The following GSK3B variants were observed in gnomAD, a reference collection of about 807,000 sequenced individuals.
GSK3B encodes glycogen synthase kinase 3 beta, also known as glycogen synthase kinase-3 beta.
A neutral mutation model predicts 56.4 loss-of-function variants in GSK3B; 15 were observed. The observed-to-expected ratio is 0.27, with a 90% CI of 0.18 to 0.41. The LOEUF (loss-of-function observed/expected upper bound fraction) is 0.41. Ranked by LOEUF, GSK3B falls within the 10% of genes least tolerant of loss-of-function variation. The pLI, the probability that GSK3B is intolerant of heterozygous loss-of-function variation, is 1.00. For synonymous variants in GSK3B, 181 were observed against 188.9 expected (o/e 0.96, Z 0.34); for missense variants, 300 against 513.4 (o/e 0.58, Z 4.02).
intron 7 of GSK3B, among the ~76,000 whole-genome samples, chr3:119,877,083 T>C (rs1391739513): frequency 1.3e-5 from 2 of 152,178 alleles, no homozygotes; most frequent in Non-Finnish European, 2.9e-5. Context: ...CCATGCTGTA[T>C]TACCATAGAC....
At chr3:119,963,579 C>T (rs868231102) in intron 2 of GSK3B, among the ~76,000 whole-genome samples, 19 of 136,272 alleles carry the variant, frequency 1.4e-4, no homozygotes, top group Admixed American at 8.9e-4. Context: ...AATTATGCCA[C>T]GGCACTCCAG....
rs2058531448 is a variant in GSK3B at position 120,093,431 on chromosome 3, A to T, written c.4T>A (p.Ser2Thr). 1 of 1,606,516 alleles carries T rather than the reference A, an allele frequency of 6.2e-7. No homozygotes were observed. Among genetic ancestry groups the T allele is most frequent in the Admixed American group, 1.7e-5 (1 of 59,988 alleles). M[S>T]GRPRTTSFAE... is the part of the protein sequence containing the mutation. ...AAGGAGGTGGTTCTGGGCCGCCCTG[A>T]CATGATCACTCTCTTCGCGAATCAC... Residue 2 changes from serine to threonine, a missense_variant, in exon 1 of 11, where the codon TCA (serine) becomes ACA (threonine). Ser to Thr is a moderately conservative substitution (Grantham distance 58, BLOSUM62 1). Coordinates refer to ENST00000264235, the MANE Select transcript of GSK3B (RefSeq NM_001146156.2).
At chr3:119,992,245 A>G (rs1226389633) in intron 2 of GSK3B, among the ~76,000 whole-genome samples, 2 of 152,138 alleles carry the variant, frequency 1.3e-5, no homozygotes, top group Non-Finnish European at 2.9e-5. Context: ...TCAAAACGGT[A>G]TAGTAGTGAC....
intron 1 of GSK3B, among the ~76,000 whole-genome samples, chr3:120,023,975 T>C (rs1252606649): frequency 6.6e-6 from 1 of 152,166 alleles, no homozygotes; most frequent in Non-Finnish European, 1.5e-5. Context: ...ACTTTTCAGG[T>C]AGGGTAAATG....
chr3:119,900,709 T>C (rs141355618), intron 7 of GSK3B, among the ~76,000 whole-genome samples: 65 of 152,300 alleles, frequency 4.3e-4, no homozygotes, highest in South Asian at 8.3e-4. Context: ...TTTACCTTAA[T>C]GCTGTTATTT....
intron 1 of GSK3B, among the ~76,000 whole-genome samples, chr3:120,038,936 C>T (rs2107529481): frequency 6.6e-6 from 1 of 151,750 alleles, no homozygotes; most frequent in South Asian, 2.1e-4. Context: ...AAAATATTTG[C>T]AATACACATA....
chr3:119,991,335 A>G (rs978816347), intron 2 of GSK3B, among the ~76,000 whole-genome samples: 26 of 152,180 alleles, frequency 1.7e-4, no homozygotes, highest in African/African-American at 6.3e-4. Flanking sequence ...CTGTCACAGT[A>G]TGATGGACAA....
intron 2 of GSK3B, among the ~76,000 whole-genome samples, chr3:119,994,059 T>C (rs2057591578): frequency 1.3e-5 from 2 of 152,162 alleles, no homozygotes; most frequent in Admixed American, 1.3e-4. Context: ...AGACGGGGTT[T>C]CACCATGTTA....
At chr3:120,025,539 G>A (rs1576279732) in intron 1 of GSK3B, among the ~76,000 whole-genome samples, 1 of 152,242 alleles carries the variant, frequency 6.6e-6, no homozygotes, top group East Asian at 1.9e-4. Context: ...TCCAATATAA[G>A]GATAATTATT....
intron 6 of GSK3B, 94 bp from the exon 7 acceptor site, chr3:119,905,946 G>A (rs2056678423): frequency 2.7e-6 from 2 of 751,602 alleles, no homozygotes; most frequent in Admixed American, 2.0e-5. Context: ...TGATCACAGA[G>A]TAAATATCAC....
chr3:120,026,317 G>T (rs898715582), intron 1 of GSK3B, among the ~76,000 whole-genome samples: 2 of 152,120 alleles, frequency 1.3e-5, no homozygotes, highest in Non-Finnish European at 2.9e-5. Context: ...CAATGAGAAG[G>T]TATCTGCTGG....
At chr3:120,010,692 C>T (rs989695731) in intron 1 of GSK3B, among the ~76,000 whole-genome samples, 1 of 152,066 alleles carries the variant, frequency 6.6e-6, no homozygotes, top group African/African-American at 2.4e-5. Flanking sequence ...GTGGCACATG[C>T]CTGTAAGTGA....
chr3:120,033,446 G>A (rs1056904311), intron 1 of GSK3B, among the ~76,000 whole-genome samples: 11 of 152,200 alleles, frequency 7.2e-5, no homozygotes, highest in South Asian at 4.1e-4. Flanking sequence ...AGCAGTGTAC[G>A]AGGGTTCCAA....
intron 1 of GSK3B, among the ~76,000 whole-genome samples, chr3:120,023,438 T>C (rs1009837326): frequency 2.0e-5 from 3 of 151,700 alleles, no homozygotes; most frequent in Non-Finnish European, 4.4e-5. Context: ...CAATTTCCAT[T>C]ATAAAAACTG....
intron 8 of GSK3B, among the ~76,000 whole-genome samples, chr3:119,870,273 A>C (rs902202461): frequency 6.6e-6 from 1 of 152,204 alleles, no homozygotes; most frequent in African/African-American, 2.4e-5. Context: ...ATAGTATCTC[A>C]CATTATTCAA....
intron 3 of GSK3B, among the ~76,000 whole-genome samples, chr3:119,944,332 C>T (rs1362520450): frequency 6.6e-6 from 1 of 152,022 alleles, no homozygotes; most frequent in African/African-American, 2.4e-5. Flanking sequence ...CTAGAGAAAA[C>T]CTGGATCTCA....
intron 2 of GSK3B, among the ~76,000 whole-genome samples, chr3:119,983,019 C>T (rs1031329391): frequency 6.6e-6 from 1 of 152,124 alleles, no homozygotes; most frequent in Non-Finnish European, 1.5e-5. Flanking sequence ...TCGGCAGAAA[C>T]CCTACAAGCC....
intron 2 of GSK3B, among the ~76,000 whole-genome samples, chr3:119,952,266 T>C (rs533270329): frequency 6.6e-6 from 1 of 152,004 alleles, no homozygotes; most frequent in Non-Finnish European, 1.5e-5. Context: ...GGCGGGTGGA[T>C]TACCTGAGGT....
chr3:119,937,229 G>A (rs1178325647), intron 3 of GSK3B, among the ~76,000 whole-genome samples: 1 of 152,048 alleles, frequency 6.6e-6, no homozygotes, highest in African/African-American at 2.4e-5. Flanking sequence ...CCTCAGTGTT[G>A]GAGATGGGGT....
Sources: gnomAD v4.1 joint callset for allele counts (sites outside exome capture counted in the v4.1 genomes callset) on GRCh38, gnomAD v4.1.1 for gene constraint, MANE v1.5 for transcripts, NCBI Gene and HGNC (gene_info 2026-07-23, HGNC 2026-07-21) for gene names.